The following GEM variants were observed in gnomAD, a reference collection of about 807,000 sequenced individuals.
The protein encoded by GEM is GTP binding protein overexpressed in skeletal muscle.
In GEM, 31 loss-of-function variants were observed where a neutral mutation model predicts 33.0. That is an observed-to-expected ratio of 0.94 (90% CI 0.71 to 1.27). The LOEUF (loss-of-function observed/expected upper bound fraction) is 1.27. Among genes scored for constraint, GEM ranks in the 50% most tolerant of loss-of-function variants. The probability of loss-of-function intolerance (pLI) is 0.00; values close to 1 mark genes in which losing one functional copy is unlikely to be tolerated. For missense variants in GEM, 354 were observed against 390.5 expected (o/e 0.91, Z 0.79); for synonymous variants, 141 against 143.7 (o/e 0.98, Z 0.13).
At chr8:94,258,593 T>G (rs1808948064) in intron 2 of GEM, among the ~76,000 whole-genome samples, 1 of 152,194 alleles carries the variant, frequency 6.6e-6, no homozygotes, top group South Asian at 2.1e-4. Context: ...TGAATCCTGG[T>G]CATACCATGT....
chr8:94,258,332 A>G (rs1808940872), intron 2 of GEM, among the ~76,000 whole-genome samples: 1 of 152,192 alleles, frequency 6.6e-6, no homozygotes, highest in South Asian at 2.1e-4. Flanking sequence ...TCAACGCCCA[A>G]AGCACTGTAT....
intron 2 of GEM, among the ~76,000 whole-genome samples, chr8:94,259,339 T>C (rs1007216343): frequency 6.6e-6 from 1 of 152,200 alleles, no homozygotes. Context: ...CCATGTGACT[T>C]GGGGAAACAC....
chr8:94,252,195 C>CT lies in GEM; in HGVS notation c.436_437insA (p.Cys146Ter). ...CAGGTATGCGTCCCCGACCTGCATG[C>CT]AGTGGTCATGGAGCCATTCATTTTC... ...KGENEWLHDH[C>*]MQVGDAYLIV... Residue 146 changes from cysteine to a stop codon, truncating the protein, a stop_gained and frameshift_variant, in exon 4 of 5, where the codon TGC becomes TAGC. Coordinates refer to ENST00000297596, the MANE Select transcript of GEM (RefSeq NM_005261.4). LOFTEE classifies it high-confidence loss of function. 6 of 1,612,164 alleles carry CT rather than the reference C, an allele frequency of 3.7e-6. No individual in the cohort carries two copies. The highest frequency in any genetic ancestry group is 5.1e-6 in the Non-Finnish European group (6 of 1,178,630).
chr8:94,250,067 C>A lies in GEM; in HGVS notation c.*243G>T. On this transcript the variant is annotated 3_prime_UTR_variant, in exon 5 of 5. Coordinates refer to ENST00000297596, the MANE Select transcript of GEM (RefSeq NM_005261.4). ...AAGAAACACATGTGAACACCAAACA[C>A]ATCCTCTAAAGAGTCTTGGGTGTTC... 1 of 498,138 alleles carries A rather than the reference C, an allele frequency of 2.0e-6. No individual in the cohort carries two copies. Among genetic ancestry groups the A allele is most frequent in the South Asian group, 3.8e-5 (1 of 26,566 alleles). The allele number at this position is 498,138 out of a possible 1,614,324, so 30.9% of individuals were successfully genotyped here.
At chr8:94,260,587 A>G (rs1404256965) in intron 1 of GEM, 75 bp from the exon 2 acceptor site, 7 of 769,062 alleles carry the variant, frequency 9.1e-6, no homozygotes, top group Non-Finnish European at 1.5e-5. Flanking sequence ...ATGGTCAGTC[A>G]TCAGTAATAT....
Position 94,249,575 on chromosome 8 carries a change from A to C in GEM, c.*735T>G, listed in dbSNP as rs1259982174. The C allele has an allele frequency of 2.0e-5, 3 of 152,214 alleles. No homozygotes were observed. The highest frequency in any genetic ancestry group is 4.4e-5 in the Non-Finnish European group (3 of 68,028). The allele number at this position is 152,214 out of a possible 1,614,324, so 9.4% of individuals were successfully genotyped here. On this transcript the variant is annotated 3_prime_UTR_variant, in exon 5 of 5. Transcript: ENST00000297596. ...TTCTGATTTTAAAAATATTTTTATG[A>C]TGGCTCCATGAATTCAAAAATAATA...
Position 94,260,744 on chromosome 8 carries a change from T to C in GEM, c.-9-232A>G, listed in dbSNP as rs1021457938. ...ACCAGCTCCTCAGGCAGACTATCAT[T>C]TGCATGGGAAAACAAATACGGTTAA... On this transcript the variant is annotated intron_variant, in intron 1 of 4. Transcript: ENST00000297596. 1.3e-5 allele frequency: 6 copies of C among 471,304 alleles called. No individual in the cohort carries two copies. The East Asian group carries it at 2.0e-4, about 15-fold the overall frequency. The allele number at this position is 471,304 out of a possible 1,614,324, so 29.2% of individuals were successfully genotyped here. A position where few individuals can be genotyped will look rare whatever the true frequency, so the allele number is the denominator to read the frequency against.
intron 1 of GEM, among the ~76,000 whole-genome samples, chr8:94,261,281 T>C (rs536107840): frequency 8.5e-5 from 13 of 152,312 alleles, no homozygotes; most frequent in African/African-American, 2.4e-4. Flanking sequence ...TTCAGACCTA[T>C]GAAATTTGCA....
Position 94,252,023 on chromosome 8 carries a change from T to C in GEM, c.609A>G (p.Val203=), listed in dbSNP as rs897638007. 2.5e-6 allele frequency: 4 copies of C among 1,610,962 alleles called. No homozygotes were observed. The highest frequency in any genetic ancestry group is 1.3e-5 in the African/African-American group (1 of 74,874). ...TATTGGCTCTGCTCCTCTTACCTGA[T>C]ACAGACACTTCTCGGCACCGCACTA... The part of the protein sequence containing the change: ...SDLVRCREVS[V]SEGRACAVVF... The change falls in exon 4 of 5, where the codon GTA becomes GTG. Residue 203 remains valine (V), a synonymous_variant. Coordinates refer to ENST00000297596, the MANE Select transcript of GEM (RefSeq NM_005261.4).
rs1180298508 is a variant in GEM at position 94,250,294 on chromosome 8, G to C, written c.*16C>G. Reference sequence around the variant, plus strand: ...AACAACGGCCATCAAAGGGACATCTGGGTGACCCTGGGTTCCTAGAGTACA... The same window carrying C: ...AACAACGGCCATCAAAGGGACATCTCGGTGACCCTGGGTTCCTAGAGTACA... On this transcript the variant is annotated 3_prime_UTR_variant, in exon 5 of 5. Transcript: ENST00000297596. 6.3e-7 allele frequency: 1 copy of C among 1,595,592 alleles called. No individual in the cohort carries two copies. The highest frequency in any genetic ancestry group is 1.1e-5 in the South Asian group (1 of 89,174).
intron 4 of GEM, 51 bp from the exon 5 acceptor site, chr8:94,250,638 A>G (rs769600458): frequency 1.4e-6 from 2 of 1,467,978 alleles, no homozygotes; most frequent in Non-Finnish European, 1.9e-6. Context: ...AGTCCCACAT[A>G]GCACACAGTC....
At chr8:94,257,747 G>A (rs1019621587) in intron 2 of GEM, among the ~76,000 whole-genome samples, 1 of 151,946 alleles carries the variant, frequency 6.6e-6, no homozygotes, top group Admixed American at 6.6e-5. Context: ...ATGGCATTCA[G>A]TGTATACAGA....
At position 94,260,481 on chromosome 8, in the gene GEM, A is replaced by G. The variant is rs374909426; in HGVS notation, c.23T>C (p.Met8Thr). 2 of 1,606,246 alleles carry G rather than the reference A, an allele frequency of 1.2e-6. No individual in the cohort carries two copies. The highest frequency in any genetic ancestry group is 1.3e-5 in the African/African-American group (1 of 74,830). The change falls in exon 2 of 5, where the codon ATG (methionine) becomes ACG (threonine). Residue 8 changes from methionine to threonine, a missense_variant. Physicochemically the swap from Met to Thr is moderately conservative, Grantham distance 81. Coordinates refer to ENST00000297596, the MANE Select transcript of GEM (RefSeq NM_005261.4). MTLNNVT[M>T]RQGTVGMQPQ... ...CTGCATGCCCACAGTGCCCTGGCGC[A>G]TGGTGACATTATTCAGAGTCATCGT...
At chr8:94,256,685 C>G (rs1352088003) in intron 2 of GEM, among the ~76,000 whole-genome samples, 1 of 152,210 alleles carries the variant, frequency 6.6e-6, no homozygotes, top group Non-Finnish European at 1.5e-5. Flanking sequence ...TGGCCCCGGT[C>G]CCCTCTGGAC....
intron 2 of GEM, among the ~76,000 whole-genome samples, chr8:94,259,645 G>T (rs1052916636): frequency 2.0e-5 from 3 of 152,178 alleles, no homozygotes; most frequent in African/African-American, 7.2e-5. Context: ...TCTATAGAAA[G>T]TTTCATTGTT....
chr8:94,255,408 C>G (rs1200896080), intron 2 of GEM, among the ~76,000 whole-genome samples: 2 of 152,136 alleles, frequency 1.3e-5, no homozygotes, highest in African/African-American at 4.8e-5. Flanking sequence ...GAGGCTAAAA[C>G]AATCCATCTC....
chr8:94,259,992 T>G, intron 2 of GEM, 181 bp downstream of exon 2: 1 of 542,170 alleles, frequency 1.8e-6, no homozygotes, highest in African/African-American at 1.9e-5. Flanking sequence ...TCTACAAGCA[T>G]TTTCATTTTC....
intron 2 of GEM, among the ~76,000 whole-genome samples, 165 bp from the exon 3 acceptor site, chr8:94,253,277 T>C (rs1448986004): frequency 1.3e-5 from 2 of 152,224 alleles, no homozygotes; most frequent in Non-Finnish European, 2.9e-5. Flanking sequence ...TTTGTCACCT[T>C]CAACAACATT....
At chr8:94,261,630 T>C (rs948306869) in intron 1 of GEM, among the ~76,000 whole-genome samples, 2 of 152,228 alleles carry the variant, frequency 1.3e-5, no homozygotes, top group African/African-American at 4.8e-5. Flanking sequence ...CCGAAAGTGC[T>C]GAGATCACAG....
Sources: gnomAD v4.1 joint callset for allele counts (sites outside exome capture counted in the v4.1 genomes callset) on GRCh38, gnomAD v4.1.1 for gene constraint, MANE v1.5 for transcripts, NCBI Gene and HGNC (gene_info 2026-07-23, HGNC 2026-07-21) for gene names.